Variants in ZNF143 observed in about 807,000 individuals in gnomAD.
ZNF143 encodes the protein SPH-binding factor.
In ZNF143, 49 loss-of-function variants were observed where a neutral mutation model predicts 74.1. The observed-to-expected ratio is 0.66, with a 90% CI of 0.53 to 0.84. ZNF143 has a LOEUF of 0.84. ZNF143 is among the 40% of genes least tolerant of loss of function. The probability of loss-of-function intolerance (pLI) is 0.00; values close to 1 mark genes in which losing one functional copy is unlikely to be tolerated. For missense variants in ZNF143, 637 were observed against 793.4 expected (o/e 0.80, Z 2.37); for synonymous variants, 304 against 282.8 (o/e 1.07, Z -0.75).
At chr11:9,478,290 G>GTAAC (rs1251713347) in intron 5 of ZNF143, 100 bp from the exon 6 acceptor site, 2 of 1,247,256 alleles carry the variant, frequency 1.6e-6, no homozygotes, top group African/African-American at 3.0e-5. Flanking sequence ...AGTACTCAGA[G>GTAAC]TAACTACTCA....
chr11:9,469,508 A>G (rs923129377), intron 1 of ZNF143, among the ~76,000 whole-genome samples: 2 of 151,958 alleles, frequency 1.3e-5, no homozygotes, highest in Non-Finnish European at 2.9e-5. Context: ...CTGGGATTAC[A>G]GGCATGAGCC....
chr11:9,487,700 C>A (rs1847613996), intron 7 of ZNF143, among the ~76,000 whole-genome samples: 2 of 152,150 alleles, frequency 1.3e-5, no homozygotes, highest in South Asian at 4.1e-4. Flanking sequence ...AGTTTAAATA[C>A]CAGTGAAGTC....
intron 11 of ZNF143, 21 bp from the exon 12 acceptor site, chr11:9,508,595 CTTT>C (rs758126528): frequency 6.3e-7 from 1 of 1,595,498 alleles, no homozygotes; most frequent in Admixed American, 1.7e-5. Context: ...AAAAGTTGAA[CTTT>C]TTTTTGGTGT....
chr11:9,461,258 A>G (rs978822257), intron 1 of ZNF143, among the ~76,000 whole-genome samples, 182 bp downstream of exon 1: 1 of 152,006 alleles, frequency 6.6e-6, no homozygotes, highest in Non-Finnish European at 1.5e-5. Context: ...AGCGGAGTTT[A>G]TTAATAACCC....
intron 7 of ZNF143, among the ~76,000 whole-genome samples, chr11:9,483,964 G>C (rs1334390131): frequency 1.3e-5 from 2 of 150,706 alleles, no homozygotes; most frequent in African/African-American, 4.9e-5. Context: ...TGGCTAGGAT[G>C]GTCTGAATCT....
At chr11:9,506,070 C>G (rs1420569730) in intron 11 of ZNF143, among the ~76,000 whole-genome samples, 1 of 152,018 alleles carries the variant, frequency 6.6e-6, no homozygotes, top group Non-Finnish European at 1.5e-5. Context: ...GTAGCTCATG[C>G]CTGTAATCCC....
intron 14 of ZNF143, among the ~76,000 whole-genome samples, chr11:9,518,383 T>G (rs1848793895): frequency 1.3e-5 from 2 of 152,174 alleles, no homozygotes; most frequent in African/African-American, 2.4e-5. Context: ...AAATGATCAA[T>G]AAGCACATGA....
intron 3 of ZNF143, chr11:9,473,632 C>A: frequency 2.0e-6 from 1 of 507,048 alleles, no homozygotes; most frequent in Non-Finnish European, 3.4e-6. Context: ...TGGTCATGGT[C>A]ACTGATTCTA....
chr11:9,525,461 G>A (rs954027004), intron 15 of ZNF143, 75 bp downstream of exon 15: 7 of 1,574,330 alleles, frequency 4.4e-6, no homozygotes, highest in African/African-American at 4.0e-5. Flanking sequence ...ACTGTGCTTC[G>A]TGTATAACCT....
intron 14 of ZNF143, among the ~76,000 whole-genome samples, chr11:9,523,649 G>A (rs896285776): frequency 3.3e-5 from 5 of 151,988 alleles, no homozygotes; most frequent in Middle Eastern, 3.2e-3. Flanking sequence ...CAGGAGAATG[G>A]CGTGAACCCG....
chr11:9,469,522 G>T (rs565051754), intron 1 of ZNF143, among the ~76,000 whole-genome samples: 3 of 151,854 alleles, frequency 2.0e-5, no homozygotes, highest in African/African-American at 4.8e-5. Flanking sequence ...ATGAGCCACC[G>T]CGTGCAGCCC....
intron 14 of ZNF143, among the ~76,000 whole-genome samples, chr11:9,518,519 C>T (rs1267424118): frequency 6.6e-6 from 1 of 152,130 alleles, no homozygotes; most frequent in Non-Finnish European, 1.5e-5. Flanking sequence ...TCAAGACCAG[C>T]GTGGCCAAAC....
rs533197860 is a variant in ZNF143, at chr11:9,517,348, G to A, written c.1686+986G>A. 5.9e-5 allele frequency among the ~76,000 whole-genome samples: 9 copies of A among 151,834 alleles called. No individual in the cohort carries two copies. In the South Asian group the frequency reaches 1.0e-3, roughly 18 times the overall value. On this transcript the variant is annotated intron_variant, in intron 14 of 15. Transcript: ENST00000396602. ...TTGTATTCCACTGTATGGATGTGCCGCAATTAAAGTCTTTTGCTATTTCAA... is the reference window on the plus strand; with the variant it reads ...TTGTATTCCACTGTATGGATGTGCCACAATTAAAGTCTTTTGCTATTTCAA...
Position 9,497,674 on chromosome 11 carries a change from G to A in ZNF143, c.842-1G>A. The A allele has an allele frequency of 1.3e-6, 2 of 1,589,250 alleles. No homozygotes were observed. Among genetic ancestry groups the A allele is most frequent in the South Asian group, 1.1e-5 (1 of 88,014 alleles). On this transcript the variant is annotated splice_acceptor_variant, in intron 9 of 15. Transcript: ENST00000396602. LOFTEE classifies it high-confidence loss of function. ...AAATTTCTTTTAATTTTTTCTTAAAGGTTATGGATTAAAAAGTCACGTCAG... is the reference window on the plus strand; with the variant it reads ...AAATTTCTTTTAATTTTTTCTTAAAAGTTATGGATTAAAAAGTCACGTCAG...
intron 8 of ZNF143, among the ~76,000 whole-genome samples, 165 bp downstream of exon 8, chr11:9,494,930 T>C (rs572015686): frequency 6.6e-6 from 1 of 152,348 alleles, no homozygotes; most frequent in South Asian, 2.1e-4. Context: ...ATGCGGACTT[T>C]AGAGACTGTT....
At chr11:9,508,937 T>G in intron 12 of ZNF143, 91 bp downstream of exon 12, 1 of 1,302,120 alleles carries the variant, frequency 7.7e-7, no homozygotes, top group Non-Finnish European at 1.1e-6. Flanking sequence ...TCTGAAATCC[T>G]AATGTGTCAT....
At chr11:9,522,654 T>A (rs1487470500) in intron 14 of ZNF143, among the ~76,000 whole-genome samples, 78 of 151,324 alleles carry the variant, frequency 5.2e-4, no homozygotes, top group Non-Finnish European at 1.8e-4. Context: ...CCACCACACC[T>A]GGCTAATTTT....
intron 5 of ZNF143, among the ~76,000 whole-genome samples, chr11:9,477,674 A>G (rs944553109): frequency 1.3e-5 from 2 of 152,226 alleles, no homozygotes; most frequent in African/African-American, 4.8e-5. Flanking sequence ...CAATACCAGT[A>G]TAGATATAGA....
intron 11 of ZNF143, among the ~76,000 whole-genome samples, chr11:9,502,842 G>T (rs1457187630): frequency 6.6e-6 from 1 of 151,900 alleles, no homozygotes; most frequent in Non-Finnish European, 1.5e-5. Flanking sequence ...TGCAGTATGT[G>T]GGGGGTTTTT....
Sources: gnomAD v4.1 joint callset for allele counts (sites outside exome capture counted in the v4.1 genomes callset) on GRCh38, gnomAD v4.1.1 for gene constraint, MANE v1.5 for transcripts, NCBI Gene and HGNC (gene_info 2026-07-23, HGNC 2026-07-21) for gene names.